Variants in CLUL1 observed in about 807,000 individuals in gnomAD.
CLUL1 encodes the protein clusterin like 1.
In CLUL1, 43 loss-of-function variants were observed where a neutral mutation model predicts 49.4. That is an observed-to-expected ratio of 0.87 (90% CI 0.68 to 1.12). The LOEUF is 1.12. Ranked by LOEUF, CLUL1 falls within the 50% of genes most tolerant of loss-of-function variation. CLUL1 has a pLI of 0.00. For missense variants in CLUL1, 486 were observed against 544.4 expected, an observed-to-expected ratio of 0.89 and a Z score of 1.07; for synonymous variants, 192 against 184.9, an observed-to-expected ratio of 1.04 and a Z score of -0.31.
intron 6 of CLUL1, among the ~76,000 whole-genome samples, chr18:631,925 G>C (rs2074002954): frequency 1.3e-5 from 2 of 152,314 alleles, no homozygotes; most frequent in African/African-American, 2.4e-5. Flanking sequence ...AGAGGGTCCA[G>C]GAAAGCAGCT....
rs554923029 is a variant in CLUL1 at position 621,709 on chromosome 18, G to A, written c.255+2348G>A. Among the ~76,000 whole-genome samples the A allele has an allele frequency of 2.6e-5, 4 of 152,196 alleles. No homozygotes were observed. The South Asian group carries it at 8.3e-4, about 32-fold the overall frequency. On this transcript the variant is annotated intron_variant, in intron 4 of 9. Transcript: ENST00000692774. ...TTCATTTTATAGCTAAGAAAACTGG[G>A]GTTTGAGATGTTTGTTAATTAACAT... is the stretch of plus-strand genomic sequence containing the variant.
In CLUL1 at chr18:649,927, G is replaced by A; in HGVS notation, c.*26G>A. ...GAAGATCTAATGCATCCTATATCCA[G>A]TAAGTAGAATTATCTCTTCATCTGG... On this transcript the variant is annotated 3_prime_UTR_variant, in exon 10 of 10. Coordinates refer to ENST00000692774, the MANE Select transcript of CLUL1 (RefSeq NM_001393344.1). 7.4e-7 allele frequency: 1 copy of A among 1,347,680 alleles called. No homozygotes were observed. Among genetic ancestry groups the A allele is most frequent in the East Asian group, 2.3e-5 (1 of 42,886 alleles). 83.5% of individuals were successfully genotyped at this position (1,347,680 alleles called of 1,614,324 possible). A position where few individuals can be genotyped will look rare whatever the true frequency, so the allele number is the denominator to read the frequency against.
chr18:646,481 A>G (rs1052246856), intron 9 of CLUL1, among the ~76,000 whole-genome samples: 7 of 142,008 alleles, frequency 4.9e-5, no homozygotes, highest in Non-Finnish European at 1.1e-4. Flanking sequence ...CAACAGGGGC[A>G]CAAGACAGAT....
At chr18:614,070 T>G (rs910782585) in intron 2 of CLUL1, among the ~76,000 whole-genome samples, 1 of 152,176 alleles carries the variant, frequency 6.6e-6, no homozygotes, top group African/African-American at 2.4e-5. Context: ...GACAGGACCA[T>G]GAGACAATCG....
chr18:631,874 C>A (rs771149606), intron 6 of CLUL1, among the ~76,000 whole-genome samples: 4 of 152,100 alleles, frequency 2.6e-5, no homozygotes, highest in Non-Finnish European at 5.9e-5. Context: ...GGAATTAATT[C>A]TACACTGGAA....
rs184165387 is a variant in CLUL1 at position 624,973 on chromosome 18, A to G, written c.364A>G (p.Asn122Asp). Residue 122 changes from asparagine to aspartate, a missense_variant, in exon 5 of 10, where the codon AAT (asparagine) becomes GAT (aspartate). Transcript: ENST00000692774. ...SWGECRSCLE[N>D]NCMRIYTTCQ... is the part of the protein sequence containing the mutation. ...GGGTGAATGCAGGTCTTGCCTGGAA[A>G]ATAACTGCATGAGAATTTATACAAC... is the stretch of plus-strand genomic sequence containing the variant. 147 of 1,614,218 alleles carry G rather than the reference A, an allele frequency of 9.1e-5. No individual in the cohort carries two copies. The highest frequency in any genetic ancestry group is 1.1e-5 in the Non-Finnish European group (13 of 1,180,038).
rs190070521 is a variant in CLUL1, at chr18:641,169, C to T, written c.995-158C>T. Among the ~76,000 whole-genome samples the T allele has an allele frequency of 1.9e-3, 286 of 152,132 alleles. 1 individual carries two copies. Among genetic ancestry groups the T allele is most frequent in the African/African-American group, 5.5e-3 (228 of 41,514 alleles). On this transcript the variant is annotated intron_variant, in intron 7 of 9. Coordinates refer to ENST00000692774, the MANE Select transcript of CLUL1 (RefSeq NM_001393344.1). ...GGATCTGGTTTGACACAGATGTAGA[C>T]GATATTAATAATTACTCCAGAACAA...
chr18:617,462 C>T (rs1313366000), intron 2 of CLUL1, among the ~76,000 whole-genome samples: 2 of 151,962 alleles, frequency 1.3e-5, no homozygotes, highest in East Asian at 1.9e-4. Context: ...GGCTTGGTGG[C>T]GCATGCCTAT....
intron 5 of CLUL1, among the ~76,000 whole-genome samples, 167 bp from the exon 6 acceptor site, chr18:626,924 AAAGAAG>A (rs1252455410): frequency 0.066 from 99 of 1,496 alleles, 25 homozygotes; most frequent in Non-Finnish European, 0.46. Flanking sequence ...AGAAAGAAAG[AAAGAAG>A]GAAAGAAGGA....
intron 2 of CLUL1, among the ~76,000 whole-genome samples, chr18:617,663 G>C (rs1281747590): frequency 6.7e-6 from 1 of 150,044 alleles, no homozygotes; most frequent in African/African-American, 2.5e-5. Context: ...AATTAATTCT[G>C]TGTTTCGAGA....
At chr18:638,652 G>A (rs1354066970) in intron 7 of CLUL1, among the ~76,000 whole-genome samples, 1 of 152,134 alleles carries the variant, frequency 6.6e-6, no homozygotes, top group Non-Finnish European at 1.5e-5. Context: ...GAGGTTAGGA[G>A]TTTGAGACCA....
At position 607,005 on chromosome 18, in the gene CLUL1, G is replaced by A. The variant is rs2072990317; in HGVS notation, c.-108G>A. On this transcript the variant is annotated 5_prime_UTR_variant, in exon 2 of 10. An upstream open reading frame in the 5' UTR gains an earlier in-frame stop. Coordinates refer to ENST00000692774, the MANE Select transcript of CLUL1 (RefSeq NM_001393344.1). ...TTGCGTCCCTCTCGGTTGCCAGGCT[G>A]GAGTTCAGTGGCATGTTCATAGCTC... 1.5e-6 allele frequency: 1 copy of A among 662,192 alleles called. No individual in the cohort carries two copies. 41.0% of individuals were successfully genotyped at this position (662,192 alleles called of 1,614,324 possible).
At chr18:641,174 TTAA>T in intron 7 of CLUL1, 150 bp from the exon 8 acceptor site, 1 of 617,944 alleles carries the variant, frequency 1.6e-6, no homozygotes. Context: ...GTAGACGATA[TTAA>T]TAATTACTCC....
chr18:639,440 A>C (rs927147003), intron 7 of CLUL1, among the ~76,000 whole-genome samples: 1 of 148,590 alleles, frequency 6.7e-6, no homozygotes, highest in Non-Finnish European at 1.5e-5. Context: ...CAAAAAAAAA[A>C]AAAAAAAAAA....
chr18:642,876 C>T (rs7237413), intron 8 of CLUL1, among the ~76,000 whole-genome samples: 43,841 of 152,016 alleles, frequency 0.29, 6,576 homozygotes, highest in East Asian at 0.43. Context: ...CATCTGAAGC[C>T]ATATCCTTGC....
chr18:645,540 A>C (rs1235224192), intron 9 of CLUL1, among the ~76,000 whole-genome samples: 4 of 151,846 alleles, frequency 2.6e-5, no homozygotes, highest in Non-Finnish European at 2.9e-5. Context: ...TCATGCCTGT[A>C]ATCCCAGCAC....
At chr18:642,427 GTC>G (rs2074370238) in intron 8 of CLUL1, among the ~76,000 whole-genome samples, 1 of 152,060 alleles carries the variant, frequency 6.6e-6, no homozygotes, top group African/African-American at 2.4e-5. Context: ...AGGAGACTCT[GTC>G]TCAAAAAAAA....
intron 2 of CLUL1, among the ~76,000 whole-genome samples, chr18:608,449 T>C (rs1242574230): frequency 1.4e-5 from 2 of 142,534 alleles, no homozygotes; most frequent in Non-Finnish European, 3.0e-5. Context: ...TTTTAAAAAT[T>C]ATTCACTTCA....
At chr18:636,624 C>CTTTTTTTTTTTTTTTTT (rs68150473) in intron 7 of CLUL1, among the ~76,000 whole-genome samples, 1 of 122,066 alleles carries the variant, frequency 8.2e-6, no homozygotes, top group African/African-American at 3.1e-5. Flanking sequence ...CCCTTTCTCT[C>CTTTTTTTTTTTTTTTTT]TTTTTTTTTT....
Sources: allele counts gnomAD v4.1 joint callset (sites outside exome capture counted in the v4.1 genomes callset), GRCh38; gene constraint gnomAD v4.1.1; transcripts MANE v1.5; gene names NCBI Gene and HGNC (gene_info 2026-07-23, HGNC 2026-07-21).